ASAP1: variants seen among roughly 807,000 people sequenced by gnomAD.
ASAP1 encodes the protein arf-GAP with SH3 domain, ANK repeat and PH domain-containing protein 1.
ASAP1 carries 43 observed loss-of-function variants against 145.2 expected under a neutral mutation model. That is an observed-to-expected ratio of 0.30 (90% CI 0.23 to 0.38). The LOEUF (loss-of-function observed/expected upper bound fraction) is 0.38. Ranked by LOEUF, ASAP1 falls within the 10% of genes least tolerant of loss-of-function variation. The probability of loss-of-function intolerance (pLI) is 1.00; values close to 1 mark genes in which losing one functional copy is unlikely to be tolerated. For missense variants in ASAP1, 1,018 were observed against 1,355.3 expected (o/e 0.75, Z 3.91); for synonymous variants, 546 against 515.5 (o/e 1.06, Z -0.80).
At chr8:130,284,521 A>C (rs4733781) in intron 3 of ASAP1, among the ~76,000 whole-genome samples, 44,773 of 151,830 alleles carry the variant, frequency 0.29, 7,482 homozygotes, top group East Asian at 0.59. Context: ...CTGGGCTGAA[A>C]ATAAACTAAA....
At chr8:130,338,867 A>C (rs1215534283) in intron 3 of ASAP1, among the ~76,000 whole-genome samples, 2 of 152,164 alleles carry the variant, frequency 1.3e-5, no homozygotes, top group African/African-American at 2.4e-5. Flanking sequence ...TTTCCTGGGC[A>C]TTTCCCCCAG....
intron 18 of ASAP1, among the ~76,000 whole-genome samples, chr8:130,122,711 C>T (rs1434491655): frequency 6.6e-6 from 1 of 152,184 alleles, no homozygotes; most frequent in Non-Finnish European, 1.5e-5. Flanking sequence ...AATCTATGAC[C>T]CTAACCACTA....
rs746942185 is a variant in ASAP1 at position 130,237,013 on chromosome 8, G to A, written c.187-19C>T. The A allele has an allele frequency of 9.2e-6, 14 of 1,525,422 alleles. No individual in the cohort carries two copies. Among genetic ancestry groups the A allele is most frequent in the Non-Finnish European group, 8.9e-7 (1 of 1,128,676 alleles). 94.5% of individuals were successfully genotyped at this position (1,525,422 alleles called of 1,614,324 possible). ...CTAGAGCCTAAAAGAGAAAAAAGGG[G>A]GAAAAGATATTAGAAGATTTGGTAA... On this transcript the variant is annotated intron_variant, in intron 3 of 29. Transcript: ENST00000518721.
chr8:130,442,933 TC>T (rs956622607), intron 1 of ASAP1, among the ~76,000 whole-genome samples: 1 of 151,952 alleles, frequency 6.6e-6, no homozygotes, highest in African/African-American at 2.4e-5. Flanking sequence ...CAAGTAGGAC[TC>T]CCCCCACCCC....
intron 3 of ASAP1, among the ~76,000 whole-genome samples, chr8:130,265,656 C>G (rs1376697574): frequency 6.6e-6 from 1 of 151,796 alleles, no homozygotes; most frequent in East Asian, 1.9e-4. Flanking sequence ...GGGCAGACTG[C>G]TAGAGCCCAG....
chr8:130,356,763 C>T (rs1258905857), intron 3 of ASAP1, among the ~76,000 whole-genome samples: 1 of 152,130 alleles, frequency 6.6e-6, no homozygotes, highest in African/African-American at 2.4e-5. Context: ...ATTTGGGATC[C>T]CTCTACTTCT....
In ASAP1 at chr8:130,136,970, T is replaced by C. The variant is rs745970036; in HGVS notation, c.1149A>G (p.Lys383=). ...CQVKPNAEDK[K]SFDLISHNRT... is the part of the protein sequence containing the mutation. Reference sequence around the variant, plus strand: ...ACTCACGTGATATCAGGTCAAAAGATTTTTTGTCTTCGGCATTAGGTTTTA... The same window carrying C: ...ACTCACGTGATATCAGGTCAAAAGACTTTTTGTCTTCGGCATTAGGTTTTA... The change falls in exon 14 of 30, where the codon AAA becomes AAG. Residue 383 remains lysine (K), a synonymous_variant. Coordinates refer to ENST00000518721, the MANE Select transcript of ASAP1 (RefSeq NM_018482.4). The C allele has an allele frequency of 7.4e-6, 12 of 1,614,050 alleles. No individual in the cohort carries two copies. The highest frequency in any genetic ancestry group is 1.7e-5 in the Admixed American group (1 of 60,018).
At chr8:130,182,233 T>C (rs889274112) in intron 7 of ASAP1, among the ~76,000 whole-genome samples, 1 of 152,236 alleles carries the variant, frequency 6.6e-6, no homozygotes, top group Non-Finnish European at 1.5e-5. Flanking sequence ...CATACATGTC[T>C]TTATTTCTTC....
intron 4 of ASAP1, among the ~76,000 whole-genome samples, chr8:130,215,340 G>T (rs1428648658): frequency 6.7e-6 from 1 of 150,128 alleles, no homozygotes; most frequent in African/African-American, 2.5e-5. Context: ...GCTCACGCCT[G>T]TAATCCTAGA....
chr8:130,349,890 C>A (rs1825901788), intron 3 of ASAP1, among the ~76,000 whole-genome samples: 1 of 152,094 alleles, frequency 6.6e-6, no homozygotes, highest in African/African-American at 2.4e-5. Flanking sequence ...GAAGTGTAGC[C>A]CCAAACCTTA....
chr8:130,173,023 G>GT (rs1813693644), intron 9 of ASAP1, among the ~76,000 whole-genome samples: 2 of 152,116 alleles, frequency 1.3e-5, no homozygotes, highest in Admixed American at 1.3e-4. Flanking sequence ...AGATTACAGG[G>GT]TTTTTTCATT....
At position 130,337,994 on chromosome 8, in the gene ASAP1, C is replaced by T. The variant is rs569629234; in HGVS notation, c.186+20023G>A. Among the ~76,000 whole-genome samples, 4 of 152,294 alleles carry T rather than the reference C, an allele frequency of 2.6e-5. No individual in the cohort carries two copies. The East Asian group carries it at 7.7e-4, about 29-fold the overall frequency. On this transcript the variant is annotated intron_variant, in intron 3 of 29. Transcript: ENST00000518721. ...TACTTCATTTTTGCTTCACAACAATCGTTGAAATACATATTACACTCATTT... is the reference window on the plus strand; with the variant it reads ...TACTTCATTTTTGCTTCACAACAATTGTTGAAATACATATTACACTCATTT...
chr8:130,416,484 C>T (rs1174251494), intron 1 of ASAP1, among the ~76,000 whole-genome samples: 1 of 152,224 alleles, frequency 6.6e-6, no homozygotes, highest in Non-Finnish European at 1.5e-5. Flanking sequence ...GACCAGTCAA[C>T]AACATCTAAT....
intron 27 of ASAP1, among the ~76,000 whole-genome samples, chr8:130,072,824 T>TGTGTGTGTGCGCGCGCGCGC: frequency 1.2e-3 from 40 of 32,304 alleles, no homozygotes; most frequent in South Asian, 1.7e-3. Flanking sequence ...TGTGTGTGTG[T>TGTGTGTGTGCGCGCGCGCGC]GCGCGCGGGG....
At chr8:130,269,838 A>G (rs931553442) in intron 3 of ASAP1, among the ~76,000 whole-genome samples, 10 of 152,200 alleles carry the variant, frequency 6.6e-5, no homozygotes, top group Non-Finnish European at 7.3e-5. Context: ...GTGTGTTCCA[A>G]GCATCCAGGA....
At chr8:130,238,202 A>C (rs1168506742) in intron 3 of ASAP1, among the ~76,000 whole-genome samples, 1 of 152,018 alleles carries the variant, frequency 6.6e-6, no homozygotes, top group Non-Finnish European at 1.5e-5. Context: ...CCAGACTCAT[A>C]CTGGACTCAA....
intron 2 of ASAP1, among the ~76,000 whole-genome samples, chr8:130,374,437 A>G (rs1827381289): frequency 6.6e-6 from 1 of 152,238 alleles, no homozygotes; most frequent in African/African-American, 2.4e-5. Context: ...TGGGAGTCCA[A>G]GGCAGGAGGA....
intron 3 of ASAP1, among the ~76,000 whole-genome samples, chr8:130,303,219 C>T (rs1822785804): frequency 6.6e-6 from 1 of 152,180 alleles, no homozygotes; most frequent in African/African-American, 2.4e-5. Flanking sequence ...TTGTATTACA[C>T]CTTGCTCCTG....
At position 130,214,712 on chromosome 8, in the gene ASAP1, A is replaced by C; in HGVS notation, c.260-11T>G. 6.4e-7 allele frequency: 1 copy of C among 1,574,434 alleles called. No homozygotes were observed. ...CATTTTGTACATGATCTAAAAACAA[A>C]AAAGAAGAAGAAAGGAGTCTGAACT... On this transcript the variant is annotated splice_polypyrimidine_tract_variant and intron_variant, in intron 4 of 29. Coordinates refer to ENST00000518721, the MANE Select transcript of ASAP1 (RefSeq NM_018482.4).
Sources: gnomAD v4.1 joint callset for allele counts (sites outside exome capture counted in the v4.1 genomes callset) on GRCh38, gnomAD v4.1.1 for gene constraint, MANE v1.5 for transcripts, NCBI Gene and HGNC (gene_info 2026-07-23, HGNC 2026-07-21) for gene names.